SART3: variants seen among roughly 807,000 people sequenced by gnomAD.
The protein encoded by SART3 is HIV-1 Tat-interacting protein of 110kDa.
SART3 carries 44 observed loss-of-function variants against 122.3 expected under a neutral mutation model. The ratio of observed to expected loss-of-function variants is 0.36; its 90% CI spans 0.28 to 0.46. The LOEUF is 0.46. Ranked by LOEUF, SART3 falls within the 20% of genes least tolerant of loss-of-function variation. The pLI, the probability that SART3 is intolerant of heterozygous loss-of-function variation, is 1.00. For synonymous variants in SART3, 442 were observed against 454.0 expected, an observed-to-expected ratio of 0.97 and a Z score of 0.34; for missense variants, 1,101 against 1,229.0, an observed-to-expected ratio of 0.90 and a Z score of 1.56.
intron 12 of SART3, 125 bp from the exon 13 acceptor site, chr12:108,532,459 G>C: frequency 1.3e-6 from 1 of 745,384 alleles, no homozygotes; most frequent in Admixed American, 2.0e-5. Flanking sequence ...GAAGACCTTA[G>C]CTTTCAGATC....
chr12:108,544,666 T>G, intron 4 of SART3, 188 bp from the exon 5 acceptor site: 1 of 759,346 alleles, frequency 1.3e-6, no homozygotes, highest in Non-Finnish European at 2.3e-6. Flanking sequence ...TCCAGGCTCA[T>G]GCAATCCTCC....
chr12:108,560,829 A>AC lies in SART3; in HGVS notation c.312+13dup. The AC allele has an allele frequency of 6.4e-7, 1 of 1,565,156 alleles. No homozygotes were observed. Among genetic ancestry groups the AC allele is most frequent in the Non-Finnish European group, 8.7e-7 (1 of 1,149,888 alleles). ...AAAGACTGGAAGATGCCCGCTGCCC[A>AC]CCCCCGGGCCCACCTGCTCCTCCAG... On this transcript the variant is annotated intron_variant, in intron 1 of 18. Coordinates refer to ENST00000546815, the MANE Select transcript of SART3 (RefSeq NM_014706.4).
chr12:108,545,605 T>C lies in SART3; in HGVS notation c.545-282A>G, dbSNP rs575982067. On this transcript the variant is annotated intron_variant, in intron 3 of 18. Transcript: ENST00000546815. ...CAGAAATCATGGGAACACCATGCAC[T>C]GCTAAAATTATCAGTGGCTCTAAAA... Among the ~76,000 whole-genome samples, 4 of 152,310 alleles carry C rather than the reference T, an allele frequency of 2.6e-5. No individual in the cohort carries two copies. The East Asian group carries it at 7.7e-4, about 29-fold the overall frequency.
At chr12:108,536,469 TA>T in intron 11 of SART3, 44 bp downstream of exon 11, 12 of 1,583,722 alleles carry the variant, frequency 7.6e-6, no homozygotes, top group Non-Finnish European at 9.5e-6. Context: ...AGGATGCTAT[TA>T]AACAATGATG....
rs976841785 is a variant in SART3 at position 108,525,400 on chromosome 12, C to T, written c.2523+57G>A. 3.1e-6 allele frequency: 5 copies of T among 1,599,948 alleles called. No individual in the cohort carries two copies. In the African/African-American group the frequency reaches 5.4e-5, roughly 17 times the overall value. ...AGGTTAAATCATCTTTGAACCGATA[C>T]AGAAACGAAGTTTGCCCAAGCCTTG... On this transcript the variant is annotated intron_variant, in intron 17 of 18. Transcript: ENST00000546815.
intron 1 of SART3, chr12:108,549,475 G>C (rs936075738): frequency 2.4e-5 from 11 of 455,542 alleles, no homozygotes; most frequent in Non-Finnish European, 3.6e-5. Flanking sequence ...AAATAAAGGA[G>C]GCATTCTAAT....
chr12:108,540,575 A>T (rs867901279), intron 6 of SART3, among the ~76,000 whole-genome samples: 1 of 13,912 alleles, frequency 7.2e-5, no homozygotes, highest in Non-Finnish European at 5.5e-4. Flanking sequence ...ATTCCAATTA[A>T]AAAAAAAAAG....
intron 11 of SART3, among the ~76,000 whole-genome samples, chr12:108,535,908 A>G (rs1258236570): frequency 6.6e-6 from 1 of 152,196 alleles, no homozygotes; most frequent in Non-Finnish European, 1.5e-5. Context: ...AAAATGGTTA[A>G]AAGATAAGCA....
intron 6 of SART3, among the ~76,000 whole-genome samples, chr12:108,539,796 T>C (rs1873077930): frequency 6.6e-6 from 1 of 152,162 alleles, no homozygotes; most frequent in Non-Finnish European, 1.5e-5. Context: ...AGAAAGGGGA[T>C]GTTTCAGGGC....
At chr12:108,537,013 T>G in intron 9 of SART3, 2 of 544,584 alleles carry the variant, frequency 3.7e-6, no homozygotes, top group South Asian at 2.0e-5. Flanking sequence ...CAGGGTGCTG[T>G]GGGGGGGAGT....
chr12:108,526,350 A>C lies in SART3; in HGVS notation c.2119T>G (p.Phe707Val). ...HDSSKDSITVFVSNLPYSMQE... is the reference protein window; with the variant it reads ...HDSSKDSITVVVSNLPYSMQE... ...ATGCTGTAGGGCAGGTTGCTGACAA[A>C]GACGGTGATGCTGTCCTTGCTGCTG... Residue 707 changes from phenylalanine (F) to valine (V), a missense_variant, in exon 16 of 19, where the codon TTT (phenylalanine) becomes GTT (valine). Around this residue, in one of 2 missense-constraint regions of SART3, gnomAD observed 885 missense variants for 1,080.1 expected, o/e 0.82. Coordinates refer to ENST00000546815, the MANE Select transcript of SART3 (RefSeq NM_014706.4). 2 of 1,614,052 alleles carry C rather than the reference A, an allele frequency of 1.2e-6. No homozygotes were observed. Among genetic ancestry groups the C allele is most frequent in the Non-Finnish European group, 1.7e-6 (2 of 1,179,910 alleles).
chr12:108,536,746 G>C lies in SART3; in HGVS notation c.1349C>G (p.Thr450Ser). 6.2e-7 allele frequency: 1 copy of C among 1,613,908 alleles called. No homozygotes were observed. The highest frequency in any genetic ancestry group is 8.5e-7 in the Non-Finnish European group (1 of 1,179,856). The change falls in exon 10 of 19, where the codon ACT becomes AGT. Residue 450 changes from threonine (T) to serine (S), a missense_variant. This residue lies in a region of SART3 where 885 missense variants were observed against 1,080.1 expected (regional missense o/e 0.82). Transcript: ENST00000546815. ...KELEELRAAF[T>S]RALEYLKQEV... ...CTGCTTCAGATACTCCAAGGCACGAGTAAAGGCGGCCCTCAACTCCTCCAG... is the reference window on the plus strand; with the variant it reads ...CTGCTTCAGATACTCCAAGGCACGACTAAAGGCGGCCCTCAACTCCTCCAG...
In SART3 at chr12:108,524,452, T is replaced by G. The variant is rs769440501; in HGVS notation, c.2578A>C (p.Lys860Gln). 4 of 1,614,210 alleles carry G rather than the reference T, an allele frequency of 2.5e-6. No individual in the cohort carries two copies. The highest frequency in any genetic ancestry group is 3.4e-6 in the Non-Finnish European group (4 of 1,180,048). The change falls in exon 18 of 19, where the codon AAG (lysine) becomes CAG (glutamine). Residue 860 changes from lysine (K) to glutamine (Q), a missense_variant. This residue lies in a region of SART3 where 885 missense variants were observed against 1,080.1 expected (regional missense o/e 0.82). Transcript: ENST00000546815. Reference sequence around the variant, plus strand: ...TCTTTGATAGTCATGCCGTCCATCTTCATCACAGCCTGCGACGCCTGGGAT... The same window carrying G: ...TCTTTGATAGTCATGCCGTCCATCTGCATCACAGCCTGCGACGCCTGGGAT... ...NESQASQAVM[K>Q]MDGMTIKENI...
intron 18 of SART3, 34 bp from the exon 19 acceptor site, chr12:108,523,668 G>A (rs1872235405): frequency 6.3e-7 from 1 of 1,590,942 alleles, no homozygotes; most frequent in Non-Finnish European, 8.6e-7. Context: ...ACCTTTTGAA[G>A]CAACAATTCG....
Position 108,547,946 on chromosome 12 carries a change from T to C in SART3, c.485A>G (p.Asp162Gly). 1 of 1,613,764 alleles carries C rather than the reference T, an allele frequency of 6.2e-7. No individual in the cohort carries two copies. The highest frequency in any genetic ancestry group is 1.3e-5 in the African/African-American group (1 of 75,054). The change falls in exon 3 of 19, where the codon GAT (aspartate) becomes GGT (glycine). Residue 162 changes from aspartate (D) to glycine (G), a missense_variant. Asp to Gly is a moderately conservative substitution (Grantham distance 94). Transcript: ENST00000546815. The stretch of plus-strand genomic sequence containing the variant: ...ATACACGTGCTCTCTGTCCAGGCCA[T>C]CCTGGGCCATGCTGATCTCGTCATG... ...WLHDEISMAQ[D>G]GLDREHVYDL...
At chr12:108,559,486 T>C (rs1352305590) in intron 1 of SART3, among the ~76,000 whole-genome samples, 1 of 151,918 alleles carries the variant, frequency 6.6e-6, no homozygotes, top group East Asian at 1.9e-4. Context: ...ACCAACATGG[T>C]GAAACCCCGT....
chr12:108,547,300 G>A (rs564946266), intron 3 of SART3, among the ~76,000 whole-genome samples: 7 of 152,202 alleles, frequency 4.6e-5, no homozygotes, highest in Non-Finnish European at 7.3e-5. Context: ...AGGCGAGGGA[G>A]GTCTCTGTGG....
At chr12:108,544,775 G>C in intron 4 of SART3, 1 of 581,346 alleles carries the variant, frequency 1.7e-6, no homozygotes, top group East Asian at 3.0e-5. Flanking sequence ...ACATTGCCCA[G>C]GCTGGTCTTG....
intron 4 of SART3, chr12:108,544,681 T>G (rs1454220433): frequency 7.0e-5 from 50 of 713,216 alleles, no homozygotes; most frequent in Non-Finnish European, 5.4e-5. Context: ...TCCTCCCACC[T>G]CAGAGTCCTG....
Sources: allele counts gnomAD v4.1 joint callset (sites outside exome capture counted in the v4.1 genomes callset), GRCh38; gene constraint gnomAD v4.1.1; regional missense constraint gnomAD v4.1.1; transcripts MANE v1.5; gene names NCBI Gene and HGNC (gene_info 2026-07-23, HGNC 2026-07-21).